Variants in GRID2 observed in about 807,000 individuals in gnomAD.
GRID2 encodes the protein glutamate receptor ionotropic, delta-2.
GRID2 carries 33 observed loss-of-function variants against 114.8 expected under a neutral mutation model. That is an observed-to-expected ratio of 0.29 (90% confidence interval 0.22 to 0.38). The LOEUF (loss-of-function observed/expected upper bound fraction) is 0.38, where lower values mean the gene tolerates loss of function less well. Ranked by LOEUF, GRID2 falls within the 10% of genes least tolerant of loss-of-function variation. GRID2 has a pLI of 1.00. For synonymous variants in GRID2, 505 were observed against 449.9 expected (o/e 1.12, Z -1.55); for missense variants, 1,184 against 1,257.7 (o/e 0.94, Z 0.89).
chr4:93,494,163 CAATGTCATGCTTCTT>C (rs1334927011), intron 12 of GRID2, among the ~76,000 whole-genome samples: 2 of 151,894 alleles, frequency 1.3e-5, no homozygotes, highest in East Asian at 3.9e-4. Flanking sequence ...AAGTAGCATT[CAATGTCATGCTTCTT>C]AATCATTTAT....
At position 92,739,294 on chromosome 4, in the gene GRID2, G is replaced by T. The variant is rs540107981; in HGVS notation, c.244+149008G>T. ...ATTAACAAACTTAAATTATTCTAAG[G>T]ATTCTTCAAATTATGTCAGACTTTT... On this transcript the variant is annotated intron_variant, in intron 2 of 15. Transcript: ENST00000282020. Among the ~76,000 whole-genome samples the T allele has an allele frequency of 2.0e-5, 3 of 152,156 alleles. No homozygotes were observed. The East Asian group carries it at 5.8e-4, about 29-fold the overall frequency.
chr4:93,438,701 C>G (rs1171161077), intron 10 of GRID2, among the ~76,000 whole-genome samples: 1 of 151,900 alleles, frequency 6.6e-6, no homozygotes, highest in Non-Finnish European at 1.5e-5. Flanking sequence ...TATTATTATA[C>G]TTTAAGTTTT....
intron 13 of GRID2, among the ~76,000 whole-genome samples, chr4:93,526,747 T>C (rs1476092783): frequency 6.6e-6 from 1 of 152,188 alleles, no homozygotes; most frequent in East Asian, 1.9e-4. Context: ...AGGCGGAGGT[T>C]GCAGTGAGCT....
At chr4:93,602,076 A>G (rs1384852179) in intron 13 of GRID2, among the ~76,000 whole-genome samples, 1 of 152,218 alleles carries the variant, frequency 6.6e-6, no homozygotes, top group Non-Finnish European at 1.5e-5. Flanking sequence ...TGCCATGCTC[A>G]GCGAGTGATA....
chr4:93,709,170 C>T (rs1379334458), intron 14 of GRID2, among the ~76,000 whole-genome samples: 1 of 152,044 alleles, frequency 6.6e-6, no homozygotes, highest in East Asian at 1.9e-4. Context: ...TGTGTACTTG[C>T]TATTACTAGG....
At chr4:93,316,283 C>G (rs12646421) in intron 8 of GRID2, among the ~76,000 whole-genome samples, 1 of 97,686 alleles carries the variant, frequency 1.0e-5, no homozygotes, top group Non-Finnish European at 2.2e-5. Context: ...AAGAAAAGAA[C>G]GAAAGAACGA....
rs547421068 is a variant in GRID2 at position 93,413,445 on chromosome 4, G to A, written c.1348-9326G>A. ...CCTTTGCCCACTTTTTTATGGGGTT[G>A]AGGCTTTCACTTTTTTATTGTGAAT... On this transcript the variant is annotated intron_variant, in intron 9 of 15. Coordinates refer to ENST00000282020, the MANE Select transcript of GRID2 (RefSeq NM_001510.4). Among the ~76,000 whole-genome samples, 21 of 152,200 alleles carry A rather than the reference G, an allele frequency of 1.4e-4. No homozygotes were observed. The South Asian group carries it at 3.9e-3, about 29-fold the overall frequency.
At chr4:93,233,030 A>G (rs1055936099) in intron 7 of GRID2, among the ~76,000 whole-genome samples, 1 of 152,182 alleles carries the variant, frequency 6.6e-6, no homozygotes, top group Non-Finnish European at 1.5e-5. Context: ...CCTGAGAGTG[A>G]TAGATAAGTG....
intron 10 of GRID2, among the ~76,000 whole-genome samples, chr4:93,442,565 G>T (rs1294101009): frequency 6.6e-6 from 1 of 152,000 alleles, no homozygotes; most frequent in African/African-American, 2.4e-5. Context: ...CAGAGTTCTT[G>T]TTCTTCAAGA....
At chr4:93,473,734 A>G (rs1725058027) in intron 11 of GRID2, among the ~76,000 whole-genome samples, 1 of 152,146 alleles carries the variant, frequency 6.6e-6, no homozygotes, top group Non-Finnish European at 1.5e-5. Context: ...TAACTAATTC[A>G]TATTGCTTCC....
chr4:93,417,980 A>AT (rs1238125169), intron 9 of GRID2, among the ~76,000 whole-genome samples: 1 of 150,164 alleles, frequency 6.7e-6, no homozygotes, highest in Non-Finnish European at 1.5e-5. Flanking sequence ...AAGGAGTGGA[A>AT]TTTCTAGGAC....
chr4:93,711,319 C>T (rs1445914098), intron 14 of GRID2, among the ~76,000 whole-genome samples: 1 of 152,108 alleles, frequency 6.6e-6, no homozygotes, highest in Non-Finnish European at 1.5e-5. Flanking sequence ...AAATCCTTCT[C>T]CTAAAGGCAG....
intron 8 of GRID2, among the ~76,000 whole-genome samples, chr4:93,311,823 T>C (rs1219075499): frequency 6.6e-6 from 1 of 152,168 alleles, no homozygotes; most frequent in Non-Finnish European, 1.5e-5. Flanking sequence ...GAAATATTCA[T>C]TTAGTAACTT....
At chr4:92,429,167 G>C (rs1174431481) in intron 1 of GRID2, among the ~76,000 whole-genome samples, 2 of 152,040 alleles carry the variant, frequency 1.3e-5, no homozygotes, top group Non-Finnish European at 2.9e-5. Context: ...TACATTGATG[G>C]GGTGCATGAG....
chr4:93,110,999 A>T, intron 4 of GRID2, 46 bp downstream of exon 4: 1 of 1,226,808 alleles, frequency 8.2e-7, no homozygotes, highest in South Asian at 1.2e-5. Flanking sequence ...AAACAATTAA[A>T]AGCTTTGGAA....
chr4:92,349,170 A>G (rs756811581), intron 1 of GRID2, among the ~76,000 whole-genome samples: 155 of 152,068 alleles, frequency 1.0e-3, no homozygotes, highest in South Asian at 2.5e-3. Context: ...GTATATTTCA[A>G]AAAGTTAATG....
chr4:92,704,719 CTCTT>C (rs1252604251), intron 2 of GRID2, among the ~76,000 whole-genome samples: 3 of 143,362 alleles, frequency 2.1e-5, no homozygotes, highest in Non-Finnish European at 3.1e-5. Context: ...CTCTCTCTCT[CTCTT>C]TCTCTCTCTC....
chr4:93,728,647 T>C (rs1003251595), intron 14 of GRID2, among the ~76,000 whole-genome samples: 1 of 152,220 alleles, frequency 6.6e-6, no homozygotes, highest in African/African-American at 2.4e-5. Context: ...CACTAAGGAC[T>C]TGCTTTATGA....
At chr4:93,252,988 G>A (rs188268510) in intron 8 of GRID2, among the ~76,000 whole-genome samples, 50 of 152,000 alleles carry the variant, frequency 3.3e-4, no homozygotes, top group Non-Finnish European at 4.6e-4. Flanking sequence ...AGTGGTTTAC[G>A]CCTGTAATCC....
Sources: allele counts gnomAD v4.1 joint callset (sites outside exome capture counted in the v4.1 genomes callset), GRCh38; gene constraint gnomAD v4.1.1; transcripts MANE v1.5; gene names NCBI Gene and HGNC (gene_info 2026-07-23, HGNC 2026-07-21).